CASZ1: variants seen among roughly 807,000 people sequenced by gnomAD.
CASZ1 encodes the protein zinc finger protein castor homolog 1.
A neutral mutation model predicts 135.2 loss-of-function variants in CASZ1; 28 were observed. That is an observed-to-expected ratio of 0.21 (90% confidence interval 0.15 to 0.28). The LOEUF (loss-of-function observed/expected upper bound fraction) is 0.28. Ranked by LOEUF, CASZ1 falls within the 10% of genes least tolerant of loss-of-function variation. The pLI, the probability that CASZ1 is intolerant of heterozygous loss-of-function variation, is 1.00. For missense variants in CASZ1, 2,161 were observed against 2,453.3 expected, an observed-to-expected ratio of 0.88 and a Z score of 2.52; for synonymous variants, 1,068 against 1,073.4, an observed-to-expected ratio of 0.99 and a Z score of 0.10.
In CASZ1 at chr1:10,756,764, G is replaced by A. The variant is rs116421420; in HGVS notation, c.-77+3937C>T. 5.1e-3 allele frequency among the ~76,000 whole-genome samples: 772 copies of A among 152,308 alleles called. 8 individuals are homozygous for A. The highest frequency in any genetic ancestry group is 0.018 in the African/African-American group (742 of 41,554). ...CCCTGCCGATGAGCAGATGAGCAGCGGCTGGAGGCTGAGCTGACCCCATGG... is the reference window on the plus strand; with the variant it reads ...CCCTGCCGATGAGCAGATGAGCAGCAGCTGGAGGCTGAGCTGACCCCATGG... On this transcript the variant is annotated intron_variant, in intron 2 of 20. Coordinates refer to ENST00000377022, the MANE Select transcript of CASZ1 (RefSeq NM_001079843.3). This position sits in a 1 kb window ranked among gnomAD's most constrained non-coding sequence, Gnocchi z 5.9.
intron 3 of CASZ1, 21 bp from the exon 4 acceptor site, chr1:10,693,933 G>C (rs1205820801): frequency 6.2e-7 from 1 of 1,610,544 alleles, no homozygotes; most frequent in Admixed American, 1.7e-5. Flanking sequence ...CGCCACCAGG[G>C]GAAGACCGGG....
chr1:10,669,571 T>C (rs1199567836), intron 4 of CASZ1, among the ~76,000 whole-genome samples: 1 of 152,158 alleles, frequency 6.6e-6, no homozygotes, highest in Non-Finnish European at 1.5e-5. Flanking sequence ...CTGCCAGCTC[T>C]GGGTGAGAGG....
At chr1:10,732,917 A>AG (rs1205856756) in intron 2 of CASZ1, among the ~76,000 whole-genome samples, 1 of 152,092 alleles carries the variant, frequency 6.6e-6, no homozygotes, top group Non-Finnish European at 1.5e-5. Flanking sequence ...GCCCCTTCCC[A>AG]GGGACGTGTT....
intron 2 of CASZ1, among the ~76,000 whole-genome samples, chr1:10,730,951 C>T (rs1639692375): frequency 6.6e-6 from 1 of 151,900 alleles, no homozygotes; most frequent in Non-Finnish European, 1.5e-5. Flanking sequence ...ACTAAAAATA[C>T]AAAAATTAAC....
intron 2 of CASZ1, among the ~76,000 whole-genome samples, chr1:10,708,555 G>T (rs948505178): frequency 1.3e-5 from 2 of 152,200 alleles, no homozygotes; most frequent in African/African-American, 4.8e-5. Flanking sequence ...TGCTGCACCT[G>T]CCCAGGTGAG....
intron 4 of CASZ1, among the ~76,000 whole-genome samples, chr1:10,672,580 C>T (rs1643441908): frequency 6.6e-6 from 1 of 151,920 alleles, no homozygotes; most frequent in African/African-American, 2.4e-5. Context: ...CCATGGAGAC[C>T]TCATCTCTCG....
chr1:10,730,710 CT>C (rs1639688132), intron 2 of CASZ1, among the ~76,000 whole-genome samples: 1 of 152,222 alleles, frequency 6.6e-6, no homozygotes, highest in African/African-American at 2.4e-5. Context: ...GAAAATCAGA[CT>C]TTTGGAAAAC....
Position 10,649,426 on chromosome 1 carries a change from G to A in CASZ1, c.2892C>T (p.Gly964=). The change falls in exon 14 of 21, where the codon GGC becomes GGT. Residue 964 remains glycine, a synonymous_variant. Transcript: ENST00000377022. The part of the protein sequence containing the change: ...LSSLMNKMSQ[G]NPGLGSLLNI... The stretch of plus-strand genomic sequence containing the variant: ...TCAGCAGGCTGCCCAGGCCAGGGTT[G>A]CCCTGAGACATCTGTGAGGGACAGA... 1 of 1,609,416 alleles carries A rather than the reference G, an allele frequency of 6.2e-7. No homozygotes were observed. Among genetic ancestry groups the A allele is most frequent in the African/African-American group, 1.3e-5 (1 of 74,922 alleles).
At position 10,638,274 on chromosome 1, in the gene CASZ1, T is replaced by G. The variant is rs1175998831; in HGVS notation, c.*668A>C. ...CCCGCCCCGGCCCCCAGCGGGCTAC[T>G]CTGGGTTTTGGACGCAGCCTCGGTT... On this transcript the variant is annotated 3_prime_UTR_variant, in exon 21 of 21. Transcript: ENST00000377022. This position sits in a 1 kb window ranked among gnomAD's most constrained non-coding sequence, Gnocchi z 5.9. 6.6e-6 allele frequency: 1 copy of G among 151,196 alleles called. No homozygotes were observed. The highest frequency in any genetic ancestry group is 2.4e-5 in the African/African-American group (1 of 40,982). The allele number at this position is 151,196 out of a possible 1,614,324, so 9.4% of individuals were successfully genotyped here.
At chr1:10,763,719 G>A (rs563397020) in intron 1 of CASZ1, among the ~76,000 whole-genome samples, 9 of 152,268 alleles carry the variant, frequency 5.9e-5, no homozygotes, top group Non-Finnish European at 1.0e-4. Flanking sequence ...TGATCTGCGC[G>A]TCTCCAGCAT....
Position 10,644,901 on chromosome 1 carries a change from C to T in CASZ1, c.3868+16G>A. ...GCCTGCTGCAAGTCCCTGCCCGCAG[C>T]CCCAGCCCTCGGTACCTAGCCTGCC... is the stretch of plus-strand genomic sequence containing the variant. On this transcript the variant is annotated intron_variant, in intron 18 of 20. Transcript: ENST00000377022. 6.2e-7 allele frequency: 1 copy of T among 1,606,354 alleles called. No homozygotes were observed.
chr1:10,778,618 G>A (rs557351161), intron 1 of CASZ1, among the ~76,000 whole-genome samples: 1 of 152,110 alleles, frequency 6.6e-6, no homozygotes, highest in Admixed American at 6.5e-5. Context: ...CCCCTCTCGC[G>A]GTCTTTCTTC....
intron 3 of CASZ1, among the ~76,000 whole-genome samples, chr1:10,696,551 A>T (rs544069842): frequency 6.6e-6 from 1 of 152,192 alleles, no homozygotes; most frequent in East Asian, 1.9e-4. Flanking sequence ...GCTGCTCCCA[A>T]TGACTCCCCA....
chr1:10,658,466 CCCCA>C (rs774646949), intron 7 of CASZ1, 38 bp downstream of exon 7: 6 of 1,555,580 alleles, frequency 3.9e-6, no homozygotes, highest in Non-Finnish European at 3.5e-6. Context: ...AGTCCTGGCC[CCCCA>C]CCTTCTCTCC....
At chr1:10,664,219 G>A (rs1170535354) in intron 5 of CASZ1, among the ~76,000 whole-genome samples, 1 of 152,162 alleles carries the variant, frequency 6.6e-6, no homozygotes, top group East Asian at 1.9e-4. Flanking sequence ...AAGGGCTAGG[G>A]GAGCGGGCAG....
At chr1:10,715,355 G>A (rs1639357766) in intron 2 of CASZ1, among the ~76,000 whole-genome samples, 2 of 152,078 alleles carry the variant, frequency 1.3e-5, no homozygotes, top group African/African-American at 4.8e-5. Context: ...CCCGCGCTAG[G>A]CAGGATCTGC....
rs1029841370 is a variant in CASZ1, at chr1:10,755,157, C to T, written c.-77+5544G>A. ...AACGTGGCAGCATCCAGGGGTCCCG[C>T]GGAAGGTGGGCAGCAAGGGGATCAC... On this transcript the variant is annotated intron_variant, in intron 2 of 20. Transcript: ENST00000377022. The surrounding 1 kb of genome is among the most constrained non-coding windows in gnomAD (Gnocchi z 4.3). 1.3e-5 allele frequency among the ~76,000 whole-genome samples: 2 copies of T among 152,318 alleles called. No homozygotes were observed. Among genetic ancestry groups the T allele is most frequent in the Admixed American group, 6.5e-5 (1 of 15,296 alleles).
rs575604291 is a variant in CASZ1, at chr1:10,665,268, C to T, written c.320G>A (p.Gly107Glu). The T allele has an allele frequency of 2.5e-6, 4 of 1,610,888 alleles. No homozygotes were observed. The highest frequency in any genetic ancestry group is 1.1e-5 in the South Asian group (1 of 90,610). ...SEEPAPTPVL[G>E]RIAREGLELP... ...CTCCAGGCCCTCGCGGGCAATCCGC[C>T]CCAACACGGGTGTGGGTGCCGGCTC... is the stretch of plus-strand genomic sequence containing the variant. The change falls in exon 5 of 21, where the codon GGG (glycine) becomes GAG (glutamate). Residue 107 changes from glycine (G) to glutamate (E), a missense_variant. This residue lies in a region of CASZ1 where 590 missense variants were observed against 609.8 expected (regional missense o/e 0.97). Coordinates refer to ENST00000377022, the MANE Select transcript of CASZ1 (RefSeq NM_001079843.3).
In CASZ1 at chr1:10,717,269, C is replaced by A. The variant is rs1639411845; in HGVS notation, c.-76-11725G>T. ...TCCCACGGAACCCACTCACCCCACC[C>A]CCAGCCTCTGCAGCTCCCCAGTTCC... On this transcript the variant is annotated intron_variant, in intron 2 of 20. Coordinates refer to ENST00000377022, the MANE Select transcript of CASZ1 (RefSeq NM_001079843.3). The surrounding 1 kb of genome is among the most constrained non-coding windows in gnomAD (Gnocchi z 4.6). Among the ~76,000 whole-genome samples, 1 of 152,242 alleles carries A rather than the reference C, an allele frequency of 6.6e-6. No individual in the cohort carries two copies. Among genetic ancestry groups the A allele is most frequent in the Non-Finnish European group, 1.5e-5 (1 of 68,042 alleles).
Sources: allele counts gnomAD v4.1 joint callset (sites outside exome capture counted in the v4.1 genomes callset), GRCh38; gene constraint gnomAD v4.1.1; regional missense constraint gnomAD v4.1.1; non-coding constraint Gnocchi (gnomAD v3.1); transcripts MANE v1.5; gene names NCBI Gene and HGNC (gene_info 2026-07-23, HGNC 2026-07-21).